Variants in ZNF837 observed in about 807,000 individuals in gnomAD.
ZNF837 encodes the protein zinc finger protein 837.
For missense variants in ZNF837, 955 were observed against 801.7 expected (o/e 1.19, Z -2.31); for synonymous variants, 475 against 365.2 (o/e 1.30, Z -3.43).
At position 58,368,012 on chromosome 19, in the gene ZNF837, G is replaced by T; in HGVS notation, c.1321C>A (p.His441Asn). Residue 441 changes from histidine (H) to asparagine (N), a missense_variant, in exon 3 of 3, where the codon CAC (histidine) becomes AAC (asparagine). Coordinates refer to ENST00000597582, the MANE Select transcript of ZNF837 (RefSeq NM_138466.2). Reference sequence around the variant, plus strand: ...CAGCCATAGGGCCGCTCGCCGGTGTGCGCGCGCTGGTGTTGCACCAGGCCC... The same window carrying T: ...CAGCCATAGGGCCGCTCGCCGGTGTTCGCGCGCTGGTGTTGCACCAGGCCC... Reference protein sequence around the residue: ...RSGLVQHQRAHTGERPYGCSE... With the variant: ...RSGLVQHQRANTGERPYGCSE... 2 of 1,533,898 alleles carry T rather than the reference G, an allele frequency of 1.3e-6. No homozygotes were observed. Among genetic ancestry groups the T allele is most frequent in the Non-Finnish European group, 1.7e-6 (2 of 1,144,840 alleles).
intron 1 of ZNF837, among the ~76,000 whole-genome samples, chr19:58,377,000 G>A (rs966964302): frequency 4.6e-5 from 7 of 151,766 alleles, no homozygotes; most frequent in African/African-American, 1.7e-4. Flanking sequence ...GGTGGATCAC[G>A]AGGTCAGGAG....
chr19:58,368,699 G>A lies in ZNF837; in HGVS notation c.634C>T (p.Arg212Trp), dbSNP rs549841867. ...GCCTGCAGCCTCTCCTGGGGGATCCGCAGGGCCCTCCACGCAAAGGCCTCG... is the reference window on the plus strand; with the variant it reads ...GCCTGCAGCCTCTCCTGGGGGATCCACAGGGCCCTCCACGCAAAGGCCTCG... ...CGEAFAWRAL[R>W]IPQERLQATE... The change falls in exon 3 of 3, where the codon CGG becomes TGG. Residue 212 changes from arginine to tryptophan, a missense_variant. By Grantham distance (101) the Arg-to-Trp change is moderately radical. Coordinates refer to ENST00000597582, the MANE Select transcript of ZNF837 (RefSeq NM_138466.2). 6.4e-4 allele frequency: 985 copies of A among 1,533,968 alleles called. 1 individual carries two copies. The highest frequency in any genetic ancestry group is 5.3e-4 in the Non-Finnish European group (605 of 1,145,188).
At position 58,368,943 on chromosome 19, in the gene ZNF837, C is replaced by G; in HGVS notation, c.390G>C (p.Leu130=). The change falls in exon 3 of 3, where the codon CTG becomes CTC. Residue 130 remains leucine (L), a synonymous_variant. Transcript: ENST00000597582. ...CAGCGGGCGCCCCGCGATGCCACGC[C>G]AGGCAGGAGTTCCTGCTGCAGTCCC... is the stretch of plus-strand genomic sequence containing the variant. The part of the protein sequence containing the change: ...RGGDCSRNSC[L]AWHRGAPAGE... 6.5e-7 allele frequency: 1 copy of G among 1,543,218 alleles called. No homozygotes were observed. Among genetic ancestry groups the G allele is most frequent in the Non-Finnish European group, 8.8e-7 (1 of 1,142,270 alleles).
Position 58,368,250 on chromosome 19 carries a change from C to T in ZNF837, c.1083G>A (p.Lys361=). The change falls in exon 3 of 3, where the codon AAG becomes AAA. Residue 361 remains lysine (K), a synonymous_variant. Coordinates refer to ENST00000597582, the MANE Select transcript of ZNF837 (RefSeq NM_138466.2). ...TGGCGCAGTCGGCGCACTCGTACGG[C>T]TTCTCCCCGGCTCCCGACCCCCGTC... The part of the protein sequence containing the change: ...SPRRGSGAGE[K]PYECADCAKA... The T allele has an allele frequency of 6.7e-7, 1 of 1,496,026 alleles. No homozygotes were observed. Among genetic ancestry groups the T allele is most frequent in the East Asian group, 2.5e-5 (1 of 40,078 alleles). 92.7% of individuals were successfully genotyped at this position (1,496,026 alleles called of 1,614,324 possible).
chr19:58,369,206 G>A lies in ZNF837; in HGVS notation c.127C>T (p.Arg43Cys), dbSNP rs1233861139. The stretch of plus-strand genomic sequence containing the variant: ...CGCAGGTCCCCCTTTTGAGTGGGGC[G>A]GCTCCCAGCTCGGTCCTCTTCGAGG... ...RPLEEDRAGS[R>C]PTQKGDLRGA... is the part of the protein sequence containing the mutation. The change falls in exon 3 of 3, where the codon CGC (arginine) becomes TGC (cysteine). Residue 43 changes from arginine to cysteine, a missense_variant. Arg to Cys is a radical substitution (Grantham distance 180). Coordinates refer to ENST00000597582, the MANE Select transcript of ZNF837 (RefSeq NM_138466.2). 6.9e-7 allele frequency: 1 copy of A among 1,446,472 alleles called. No individual in the cohort carries two copies. Among genetic ancestry groups the A allele is most frequent in the Non-Finnish European group, 9.1e-7 (1 of 1,101,780 alleles). The allele number at this position is 1,446,472 out of a possible 1,614,324, so 89.6% of individuals were successfully genotyped here. A position where few individuals can be genotyped will look rare whatever the true frequency, so the allele number is the denominator to read the frequency against.
chr19:58,368,418 G>T lies in ZNF837; in HGVS notation c.915C>A (p.Gly305=). The T allele has an allele frequency of 1.3e-6, 2 of 1,549,036 alleles. No homozygotes were observed. The highest frequency in any genetic ancestry group is 1.7e-6 in the Non-Finnish European group (2 of 1,149,710). Residue 305 remains glycine, a synonymous_variant, in exon 3 of 3, where the codon GGC becomes GGA. Transcript: ENST00000597582. ...GERPYECAEC[G]KAFVRCSGLY... ...GGCCGGAGCAGCGCACGAAGGCCTT[G>T]CCGCACTCGGCGCACTCGTAGGGCC...
chr19:58,372,559 C>G (rs1052730818), intron 1 of ZNF837, among the ~76,000 whole-genome samples: 1 of 152,128 alleles, frequency 6.6e-6, no homozygotes, highest in Non-Finnish European at 1.5e-5. Context: ...CCCTGGGCCA[C>G]CTGGTGGCCT....
chr19:58,374,014 T>C (rs2052221990), intron 1 of ZNF837, among the ~76,000 whole-genome samples: 1 of 152,172 alleles, frequency 6.6e-6, no homozygotes, highest in Non-Finnish European at 1.5e-5. Context: ...GCTGGCACCA[T>C]CCATGCTCAG....
intron 1 of ZNF837, among the ~76,000 whole-genome samples, chr19:58,370,927 A>AGAGG (rs531657027): frequency 1.8e-4 from 13 of 73,242 alleles, no homozygotes; most frequent in Admixed American, 1.2e-3. Flanking sequence ...AAAGAGAGAG[A>AGAGG]GAGGGAGGGA....
intron 1 of ZNF837, among the ~76,000 whole-genome samples, chr19:58,373,772 G>A (rs184270662): frequency 6.6e-6 from 1 of 152,348 alleles, no homozygotes; most frequent in African/African-American, 2.4e-5. Context: ...CCAGAGTAGA[G>A]GGAGCTGGGC....
At chr19:58,372,434 G>A (rs1018354099) in intron 1 of ZNF837, among the ~76,000 whole-genome samples, 3 of 57,322 alleles carry the variant, frequency 5.2e-5, no homozygotes, top group Non-Finnish European at 8.7e-5. Context: ...TGGGGAGTCC[G>A]GGGGGGGCGG....
chr19:58,375,465 T>A (rs1206282759), intron 1 of ZNF837, among the ~76,000 whole-genome samples: 1 of 151,606 alleles, frequency 6.6e-6, no homozygotes, highest in African/African-American at 2.4e-5. Context: ...TTTGTTTTTT[T>A]GAGACGGAGT....
intron 1 of ZNF837, among the ~76,000 whole-genome samples, chr19:58,377,253 C>T (rs2052256800): frequency 7.0e-6 from 1 of 142,690 alleles, no homozygotes; most frequent in Non-Finnish European, 1.5e-5. Context: ...TGGCTCACAC[C>T]AGTAATCCCA....
At position 58,379,846 on chromosome 19, in the gene ZNF837, G is replaced by A. The variant is rs113421893; in HGVS notation, c.-140+1095C>T. ...TTTGCCCAAGAGAATGTGCAGGGAAGTCGCCAGGCACGGTGGTGCATGCCT... is the reference window on the plus strand; with the variant it reads ...TTTGCCCAAGAGAATGTGCAGGGAAATCGCCAGGCACGGTGGTGCATGCCT... On this transcript the variant is annotated intron_variant, in intron 1 of 2. Coordinates refer to ENST00000597582, the MANE Select transcript of ZNF837 (RefSeq NM_138466.2). Among the ~76,000 whole-genome samples the A allele has an allele frequency of 2.2e-3, 337 of 152,306 alleles. 1 individual carries two copies. Among genetic ancestry groups the A allele is most frequent in the African/African-American group, 7.6e-3 (315 of 41,568 alleles).
chr19:58,376,732 C>G (rs914165183), intron 1 of ZNF837, among the ~76,000 whole-genome samples: 17 of 152,062 alleles, frequency 1.1e-4, no homozygotes, highest in Non-Finnish European at 2.5e-4. Context: ...GAGGCTTAAG[C>G]TCTGGGGTAA....
intron 1 of ZNF837, among the ~76,000 whole-genome samples, chr19:58,371,681 C>T (rs1206010603): frequency 2.6e-5 from 4 of 151,928 alleles, no homozygotes; most frequent in Admixed American, 2.6e-4. Context: ...GTCCTGTGTT[C>T]CCTATTCTGT....
Position 58,369,301 on chromosome 19 carries a change from C to T in ZNF837, c.32G>A (p.Gly11Glu), listed in dbSNP as rs570951087. The T allele has an allele frequency of 2.3e-5, 32 of 1,381,962 alleles. No individual in the cohort carries two copies. The South Asian group carries it at 5.4e-4, about 23-fold the overall frequency. The allele number at this position is 1,381,962 out of a possible 1,614,324, so 85.6% of individuals were successfully genotyped here. ...CTGGGCATCGGCCTTGGGGAGTCCT[C>T]CCTGCCCAGCCTTCTGGGCTGGAGC... MEAPAQKAGQ[G>E]GLPKADAQGA... is the part of the protein sequence containing the mutation. Residue 11 changes from glycine to glutamate, a missense_variant, in exon 3 of 3, where the codon GGA becomes GAA. Transcript: ENST00000597582.
Position 58,369,710 on chromosome 19 carries a change from CACTT to C in ZNF837, c.-30+105_-30+108del, listed in dbSNP as rs142366984. On this transcript the variant is annotated intron_variant, in intron 2 of 2. Coordinates refer to ENST00000597582, the MANE Select transcript of ZNF837 (RefSeq NM_138466.2). Reference sequence around the variant, plus strand: ...CTCAGCTGCCAGCTCCCCAAAATCTCACTTACTCCTGCCCTCCGTTTCTCAGTGG... The same window carrying C: ...CTCAGCTGCCAGCTCCCCAAAATCTCACTCCTGCCCTCCGTTTCTCAGTGG... 1.6e-4 allele frequency: 30 copies of C among 182,850 alleles called. No homozygotes were observed. The East Asian group carries it at 4.0e-3, about 24-fold the overall frequency. 11.3% of individuals were successfully genotyped at this position (182,850 alleles called of 1,614,324 possible).
intron 1 of ZNF837, among the ~76,000 whole-genome samples, chr19:58,378,590 G>A (rs899403986): frequency 6.6e-6 from 1 of 152,158 alleles, no homozygotes; most frequent in Non-Finnish European, 1.5e-5. Context: ...CAGTGGACAG[G>A]CCCAAGAATG....
Sources: gnomAD v4.1 joint callset for allele counts (sites outside exome capture counted in the v4.1 genomes callset) on GRCh38, gnomAD v4.1.1 for gene constraint, MANE v1.5 for transcripts, NCBI Gene and HGNC (gene_info 2026-07-23, HGNC 2026-07-21) for gene names.